NAT1: variants seen among roughly 807,000 people sequenced by gnomAD.
NAT1 encodes N-acetyltransferase 1.
For synonymous variants in NAT1, 144 were observed against 122.6 expected (o/e 1.17, Z -1.16); for missense variants, 400 against 339.2 (o/e 1.18, Z -1.41).
chr8:18,207,519 T>A (rs754744790), upstream of NAT1, among the ~76,000 whole-genome samples: 2 of 152,180 alleles, frequency 1.3e-5, no homozygotes, highest in Non-Finnish European at 2.9e-5. Flanking sequence ...ATCCATGAGC[T>A]CACCATCACT....
intron 2 of NAT1, among the ~76,000 whole-genome samples, chr8:18,193,654 T>TC (rs1554470568): frequency 5.0e-5 from 7 of 138,924 alleles, no homozygotes; most frequent in African/African-American, 8.5e-5. Flanking sequence ...TTTTTTTTTT[T>TC]CGAGATGGAC....
chr8:18,187,931 T>C (rs962894714), intron 2 of NAT1, among the ~76,000 whole-genome samples: 5 of 89,604 alleles, frequency 5.6e-5, no homozygotes, highest in African/African-American at 1.7e-4. Flanking sequence ...TTATCTTGTA[T>C]CTTAAACACA....
chr8:18,173,146 G>GCACACACA (rs3038965), intron 2 of NAT1, among the ~76,000 whole-genome samples: 5,632 of 146,592 alleles, frequency 0.038, 124 homozygotes, highest in South Asian at 0.069. Flanking sequence ...ACACAGAGAT[G>GCACACACA]CACACACACA....
chr8:18,214,741 G>A (rs532965819), intron 1 of NAT1, among the ~76,000 whole-genome samples: 4 of 152,112 alleles, frequency 2.6e-5, no homozygotes, highest in African/African-American at 9.6e-5. Context: ...CGTTATATAG[G>A]TAAACTTGTG....
chr8:18,180,566 C>T (rs1457181513), intron 2 of NAT1, among the ~76,000 whole-genome samples: 1 of 152,046 alleles, frequency 6.6e-6, no homozygotes, highest in East Asian at 1.9e-4. Flanking sequence ...ATGCTGGCCT[C>T]ATAAAATGAG....
In NAT1 at chr8:18,214,380, A is replaced by T. The variant is rs548802527; in HGVS notation, c.-86+4200A>T. On this transcript the variant is annotated intron_variant, in intron 1 of 2. Coordinates refer to ENST00000307719, the MANE Select transcript of NAT1 (RefSeq NM_000662.8). ...TTATATTCATGTTGCCTTTATGATC[A>T]AGTGAAATACTAGCCAGAATATTTG... Among the ~76,000 whole-genome samples the T allele has an allele frequency of 3.3e-3, 505 of 152,176 alleles. 7 individuals carry two copies. The highest frequency in any genetic ancestry group is 0.011 in the African/African-American group (454 of 41,512).
chr8:18,202,618 C>A (rs1265944592), intron 2 of NAT1, among the ~76,000 whole-genome samples: 1 of 152,052 alleles, frequency 6.6e-6, no homozygotes, highest in Non-Finnish European at 1.5e-5. Context: ...AAGCTGTAGA[C>A]CTTCGCAGTG....
In NAT1 at chr8:18,187,936, AACACACACACACAC is replaced by A. The variant is rs35203470; in HGVS notation, n.92+17228_92+17241del. ...TTGTATGCTATTATCTTGTATCTTA[AACACACACACACAC>A]ACACACACACACACACACACACACA... is the stretch of plus-strand genomic sequence containing the variant. On this transcript the variant is annotated intron_variant and non_coding_transcript_variant, in intron 2 of 4. Coordinates refer to the NAT1 transcript ENST00000517441. 2.5e-3 allele frequency among the ~76,000 whole-genome samples: 339 copies of A among 137,496 alleles called. 3 individuals carry two copies. The highest frequency in any genetic ancestry group is 7.7e-3 in the African/African-American group (289 of 37,568). 90.2% of individuals were successfully genotyped at this position (137,496 alleles called of 152,430 possible). A position where few individuals can be genotyped will look rare whatever the true frequency, so the allele number is the denominator to read the frequency against.
At chr8:18,205,137 G>C (rs755663420), upstream of NAT1, among the ~76,000 whole-genome samples, 3 of 152,224 alleles carry the variant, frequency 2.0e-5, no homozygotes, top group African/African-American at 7.2e-5. Flanking sequence ...TGCGGTTACA[G>C]CAAGATCCAT....
intron 2 of NAT1, among the ~76,000 whole-genome samples, chr8:18,184,288 G>T (rs1802641834): frequency 6.6e-6 from 1 of 152,198 alleles, no homozygotes; most frequent in Non-Finnish European, 1.5e-5. Context: ...TGTGGCCAAG[G>T]AGAGTTGCAT....
intron 1 of NAT1, among the ~76,000 whole-genome samples, chr8:18,217,776 C>A (rs541335675): frequency 6.6e-6 from 1 of 152,262 alleles, no homozygotes; most frequent in South Asian, 2.1e-4. Flanking sequence ...GCCCTCAAGT[C>A]CTGCACAAAT....
At chr8:18,185,059 GGAGTGCTTGTTTCGGTTT>G (rs1802677912) in intron 2 of NAT1, among the ~76,000 whole-genome samples, 1 of 70,506 alleles carries the variant, frequency 1.4e-5, no homozygotes, top group East Asian at 3.9e-4. Flanking sequence ...TCAGGTTTCA[GGAGTGCTTGTTTCGGTTT>G]CAGGAGTGCT....
At chr8:18,178,927 AAAC>A in intron 2 of NAT1, among the ~76,000 whole-genome samples, 1 of 152,268 alleles carries the variant, frequency 6.6e-6, no homozygotes, top group African/African-American at 2.4e-5. Context: ...CAACCTCACT[AAAC>A]AACAAGTGTT....
chr8:18,221,890 T>G lies in NAT1; in HGVS notation c.-6-152T>G, dbSNP rs1051605395. On this transcript the variant is annotated intron_variant, in intron 2 of 2. Transcript: ENST00000307719. ...GGACTATTAACTGAACTTATGTGTGTAAAAGGAATTCATACAATGAAAGCA... is the reference window on the plus strand; with the variant it reads ...GGACTATTAACTGAACTTATGTGTGGAAAAGGAATTCATACAATGAAAGCA... 3.8e-6 allele frequency: 3 copies of G among 794,784 alleles called. No homozygotes were observed. The African/African-American group carries it at 5.3e-5, about 14-fold the overall frequency. The allele number at this position is 794,784 out of a possible 1,614,324, so 49.2% of individuals were successfully genotyped here.
At chr8:18,220,189 A>G (rs972690685) in intron 2 of NAT1, among the ~76,000 whole-genome samples, 2 of 152,156 alleles carry the variant, frequency 1.3e-5, no homozygotes, top group African/African-American at 4.8e-5. Flanking sequence ...AAATGTTACG[A>G]AAGGGTGCTG....
chr8:18,191,495 A>C (rs540155579), intron 2 of NAT1, among the ~76,000 whole-genome samples: 66 of 152,218 alleles, frequency 4.3e-4, no homozygotes, highest in African/African-American at 1.5e-3. Context: ...AAACTACTTT[A>C]AAGTTCATAT....
chr8:18,195,240 G>A (rs1803183986), intron 2 of NAT1, among the ~76,000 whole-genome samples: 1 of 152,140 alleles, frequency 6.6e-6, no homozygotes, highest in Admixed American at 6.5e-5. Flanking sequence ...AGATCACCAC[G>A]CTAGTCCCTA....
rs762676638 is a variant in NAT1 at position 18,222,897 on chromosome 8, G to C, written c.850G>C (p.Gly284Arg). Residue 284 changes from glycine (G) to arginine (R), a missense_variant, in exon 3 of 3, where the codon GGT becomes CGT. By Grantham distance (125) the Gly-to-Arg change is moderately radical (BLOSUM62 -2). Coordinates refer to ENST00000307719, the MANE Select transcript of NAT1 (RefSeq NM_000662.8). ...GCAGAGAAAGCTTGTGCCCAAACAT[G>C]GTGATAGATTTTTTACTATTTAGAA... The part of the protein sequence containing the change: ...SLQRKLVPKH[G>R]DRFFTI The C allele has an allele frequency of 1.3e-6, 2 of 1,559,194 alleles. No individual in the cohort carries two copies. The highest frequency in any genetic ancestry group is 4.5e-5 in the East Asian group (2 of 44,580).
intron 2 of NAT1, among the ~76,000 whole-genome samples, chr8:18,196,415 AT>A (rs1299363949): frequency 6.6e-6 from 1 of 152,178 alleles, no homozygotes; most frequent in East Asian, 1.9e-4. Flanking sequence ...GAAAAAAAAA[AT>A]AAGTTGTGCC....
Sources: allele counts gnomAD v4.1 joint callset (sites outside exome capture counted in the v4.1 genomes callset), GRCh38; gene constraint gnomAD v4.1.1; transcripts MANE v1.5; gene names NCBI Gene and HGNC (gene_info 2026-07-23, HGNC 2026-07-21).